ARHGEF10: variants seen among roughly 807,000 people sequenced by gnomAD.
ARHGEF10 encodes the protein Rho guanine nucleotide exchange factor 10.
Under a neutral mutation model 147.4 loss-of-function variants are expected in ARHGEF10, and 140 were observed. That is an observed-to-expected ratio of 0.95 (90% CI 0.83 to 1.09). The LOEUF is 1.09. ARHGEF10 is among the 50% of genes least tolerant of loss of function. ARHGEF10 has a pLI of 0.00. For missense variants in ARHGEF10, 2,222 were observed against 1,752.7 expected (o/e 1.27, Z -4.78); for synonymous variants, 902 against 695.8 (o/e 1.30, Z -4.67).
rs371839650 is a variant in ARHGEF10, at chr8:1,882,624, C to G, written c.961-11C>G. The G allele has an allele frequency of 1.2e-5, 18 of 1,550,884 alleles. No homozygotes were observed. The highest frequency in any genetic ancestry group is 5.5e-5 in the African/African-American group (4 of 73,078). On this transcript the variant is annotated splice_polypyrimidine_tract_variant and intron_variant, in intron 9 of 28. Transcript: ENST00000349830. ...CGCCGTCCCGTTCTCACATCTCCCT[C>G]TCCGTCGCAGATGCAGAAGCTCGTG...
intron 26 of ARHGEF10, among the ~76,000 whole-genome samples, chr8:1,939,298 A>G (rs1281245414): frequency 6.6e-6 from 1 of 152,248 alleles, no homozygotes; most frequent in Non-Finnish European, 1.5e-5. Flanking sequence ...TACCCATATA[A>G]TCTGTCCTCC....
intron 26 of ARHGEF10, 115 bp downstream of exon 26, chr8:1,934,057 G>C (rs949685342): frequency 2.9e-6 from 4 of 1,383,208 alleles, no homozygotes; most frequent in African/African-American, 2.8e-5. Context: ...CCTTCTAGCC[G>C]GGCACAGTGG....
rs1815626278 is a variant in ARHGEF10, at chr8:1,956,982, C to T, written c.3754C>T (p.Gln1252Ter). ...GGGAGATTCGCTGGGATCGATGACT[C>T]AGAAAAGCGACCTGTCCTCCTCATC... ...WLGDSLGSMT[Q>*]KSDLSSSSGS... Residue 1252 changes from glutamine to a stop codon, truncating the protein, a stop_gained, in exon 29 of 29, where the codon CAG becomes TAG. Transcript: ENST00000349830. LOFTEE classifies it low-confidence loss of function (END_TRUNC). 2 of 1,614,178 alleles carry T rather than the reference C, an allele frequency of 1.2e-6. No homozygotes were observed. The highest frequency in any genetic ancestry group is 1.7e-6 in the Non-Finnish European group (2 of 1,180,038).
intron 16 of ARHGEF10, 127 bp downstream of exon 16, chr8:1,903,578 C>T (rs1344935459): frequency 2.3e-5 from 30 of 1,287,750 alleles, no homozygotes; most frequent in Non-Finnish European, 3.0e-5. Flanking sequence ...GAGTTCTTAA[C>T]CGGGGTGGAT....
At chr8:1,905,539 T>G in intron 16 of ARHGEF10, 32 bp from the exon 17 acceptor site, 1 of 1,614,122 alleles carries the variant, frequency 6.2e-7, no homozygotes, top group Non-Finnish European at 8.5e-7. Context: ...TAAACTGAAC[T>G]GTGGTCCCTG....
intron 26 of ARHGEF10, 39 bp downstream of exon 26, chr8:1,933,981 C>T (rs371002718): frequency 2.5e-6 from 4 of 1,613,826 alleles, no homozygotes; most frequent in Non-Finnish European, 3.4e-6. Flanking sequence ...GGAAAAAATG[C>T]ATTTCAGAAA....
At chr8:1,936,100 A>T (rs989514082) in intron 26 of ARHGEF10, among the ~76,000 whole-genome samples, 1 of 147,324 alleles carries the variant, frequency 6.8e-6, no homozygotes, top group African/African-American at 2.6e-5. Context: ...GTTTATTATG[A>T]GGTTGCGCTG....
chr8:1,909,288 G>C lies in ARHGEF10; in HGVS notation c.1968-7G>C, dbSNP rs376174107. 2 of 1,614,226 alleles carry C rather than the reference G, an allele frequency of 1.2e-6. No individual in the cohort carries two copies. The highest frequency in any genetic ancestry group is 1.3e-5 in the African/African-American group (1 of 75,070). On this transcript the variant is annotated splice_region_variant and splice_polypyrimidine_tract_variant and intron_variant, in intron 17 of 28. Coordinates refer to ENST00000349830, the MANE Select transcript of ARHGEF10 (RefSeq NM_014629.4). ...TTCGTAAAACAAGGATCTTTTGGTC[G>C]TTTCAGCCCCTCTCATGACAGCCGT... is the stretch of plus-strand genomic sequence containing the variant.
chr8:1,874,310 A>C (rs1563211530), intron 7 of ARHGEF10, among the ~76,000 whole-genome samples: 1 of 152,208 alleles, frequency 6.6e-6, no homozygotes, highest in African/African-American at 2.4e-5. Flanking sequence ...AAAGGCGTCC[A>C]AACGTGCCTG....
chr8:1,953,977 A>G (rs1343036936), intron 28 of ARHGEF10, among the ~76,000 whole-genome samples: 1 of 152,230 alleles, frequency 6.6e-6, no homozygotes, highest in African/African-American at 2.4e-5. Flanking sequence ...GTCCACCCAC[A>G]AGGATTAAGG....
At chr8:1,872,141 A>G (rs1051784808) in intron 7 of ARHGEF10, among the ~76,000 whole-genome samples, 2 of 152,214 alleles carry the variant, frequency 1.3e-5, no homozygotes, top group Admixed American at 1.3e-4. Flanking sequence ...TGTAAAAATC[A>G]TAAGAGGATG....
intron 18 of ARHGEF10, among the ~76,000 whole-genome samples, chr8:1,917,496 T>A (rs1390242956): frequency 1.3e-5 from 2 of 152,182 alleles, no homozygotes; most frequent in Non-Finnish European, 2.9e-5. Context: ...TTGCTATTGA[T>A]CTGGCCACAC....
chr8:1,857,890 C>G, intron 2 of ARHGEF10, 70 bp from the exon 3 acceptor site: 1 of 1,036,634 alleles, frequency 9.6e-7, no homozygotes, highest in African/African-American at 1.7e-5. Context: ...ATCTATCTAT[C>G]TATCTATCTA....
chr8:1,893,528 T>G, intron 11 of ARHGEF10, 41 bp from the exon 12 acceptor site: 2 of 1,315,326 alleles, frequency 1.5e-6, no homozygotes, highest in Non-Finnish European at 2.2e-6. Flanking sequence ...GTGTGTATTA[T>G]AAAGCAGTTT....
upstream of ARHGEF10, among the ~76,000 whole-genome samples, chr8:1,823,438 G>A (rs1802517645): frequency 1.4e-5 from 2 of 139,632 alleles, no homozygotes; most frequent in Non-Finnish European, 3.2e-5. Context: ...CCGCAGGGAG[G>A]GGCGATGTTC....
At chr8:1,945,148 G>C (rs1220808227) in intron 26 of ARHGEF10, among the ~76,000 whole-genome samples, 1 of 152,230 alleles carries the variant, frequency 6.6e-6, no homozygotes, top group Non-Finnish European at 1.5e-5. Flanking sequence ...AGCAGGTTCT[G>C]ATGGGCCTGG....
intron 2 of ARHGEF10, among the ~76,000 whole-genome samples, chr8:1,844,918 T>C (rs1002953127): frequency 2.0e-5 from 3 of 152,106 alleles, no homozygotes; most frequent in Non-Finnish European, 4.4e-5. Context: ...AGAATAATAA[T>C]GTAATAATAA....
intron 1 of ARHGEF10, among the ~76,000 whole-genome samples, chr8:1,829,639 C>G (rs937791125): frequency 6.6e-6 from 1 of 152,232 alleles, no homozygotes; most frequent in Non-Finnish European, 1.5e-5. Context: ...AGAGGCACTT[C>G]TTGCAGAGCA....
chr8:1,879,888 G>C (rs944646513), intron 8 of ARHGEF10, among the ~76,000 whole-genome samples, 160 bp from the exon 9 acceptor site: 20 of 152,038 alleles, frequency 1.3e-4, no homozygotes, highest in African/African-American at 4.3e-4. Context: ...GGACCAACTG[G>C]GCTAGTAATG....
Sources: gnomAD v4.1 joint callset for allele counts (sites outside exome capture counted in the v4.1 genomes callset) on GRCh38, gnomAD v4.1.1 for gene constraint, MANE v1.5 for transcripts, NCBI Gene and HGNC (gene_info 2026-07-23, HGNC 2026-07-21) for gene names.